The following CCDC170 variants were observed in gnomAD, a reference collection of about 807,000 sequenced individuals.
The protein encoded by CCDC170 is coiled-coil domain-containing protein 170.
A neutral mutation model predicts 72.6 loss-of-function variants in CCDC170; 69 were observed. The ratio of observed to expected loss-of-function variants is 0.95; its 90% CI spans 0.78 to 1.16. The LOEUF (loss-of-function observed/expected upper bound fraction) is 1.16. Ranked by LOEUF, CCDC170 falls within the 50% of genes most tolerant of loss-of-function variation. The pLI, the probability that CCDC170 is intolerant of heterozygous loss-of-function variation, is 0.00. For synonymous variants in CCDC170, 300 were observed against 303.9 expected, an observed-to-expected ratio of 0.99 and a Z score of 0.13; for missense variants, 852 against 832.5, an observed-to-expected ratio of 1.02 and a Z score of -0.29.
chr6:151,513,284 A>G (rs1782173577), intron 1 of CCDC170, among the ~76,000 whole-genome samples: 1 of 152,230 alleles, frequency 6.6e-6, no homozygotes. Flanking sequence ...TTTAAAAAGC[A>G]CATGATATAT....
chr6:151,592,405 A>G (rs948613072), intron 7 of CCDC170, among the ~76,000 whole-genome samples: 8 of 152,090 alleles, frequency 5.3e-5, no homozygotes, highest in African/African-American at 1.4e-4. Flanking sequence ...GACATACCTG[A>G]GGCTGGGTAA....
chr6:151,578,587 C>T (rs1414925390), intron 6 of CCDC170, among the ~76,000 whole-genome samples: 5 of 152,144 alleles, frequency 3.3e-5, no homozygotes, highest in African/African-American at 9.7e-5. Flanking sequence ...CAAAGAAAGG[C>T]ACATTCTGAG....
chr6:151,494,504 TCA>T (rs1158537866), intron 1 of CCDC170, among the ~76,000 whole-genome samples: 2 of 152,192 alleles, frequency 1.3e-5, no homozygotes, highest in South Asian at 4.1e-4. Context: ...AAGAATTCCT[TCA>T]TTTAACTTTC....
chr6:151,537,326 T>C (rs959755625), intron 2 of CCDC170, among the ~76,000 whole-genome samples: 1 of 152,202 alleles, frequency 6.6e-6, no homozygotes, highest in African/African-American at 2.4e-5. Flanking sequence ...CATAGAACGA[T>C]GAGTTGATAA....
intron 5 of CCDC170, among the ~76,000 whole-genome samples, chr6:151,558,559 A>G (rs1197989255): frequency 6.6e-6 from 1 of 152,074 alleles, no homozygotes; most frequent in East Asian, 1.9e-4. Flanking sequence ...TCTTGAATTG[A>G]TTTTTGTGTA....
At chr6:151,611,784 C>T (rs2115141571) in intron 9 of CCDC170, among the ~76,000 whole-genome samples, 1 of 152,274 alleles carries the variant, frequency 6.6e-6, no homozygotes, top group Non-Finnish European at 1.5e-5. Context: ...GGTCTCTGCT[C>T]ACTGCAACTT....
rs549048978 is a variant in CCDC170, at chr6:151,509,002, C to G, written c.57+14817C>G. On this transcript the variant is annotated intron_variant, in intron 1 of 10. Transcript: ENST00000239374. ...TGCACTCCAGCCTGGGCAACAAGAG[C>G]GAAACTCCTTCTCAAAAAAAAAAAA... Among the ~76,000 whole-genome samples the G allele has an allele frequency of 1.8e-4, 22 of 125,698 alleles. No homozygotes were observed. In the East Asian group the frequency reaches 4.7e-3, roughly 27 times the overall value. The allele number at this position is 125,698 out of a possible 152,430, so 82.5% of individuals were successfully genotyped here.
rs948689460 is a variant in CCDC170, at chr6:151,620,014, G to T, written c.*1867G>T. 5.9e-5 allele frequency: 9 copies of T among 151,990 alleles called. No homozygotes were observed. The highest frequency in any genetic ancestry group is 5.2e-4 in the Admixed American group (8 of 15,258). 9.4% of individuals were successfully genotyped at this position (151,990 alleles called of 1,614,324 possible). A position where few individuals can be genotyped will look rare whatever the true frequency, so the allele number is the denominator to read the frequency against. ...AAATTTGAATGTGGACTAAGTCCTAGATTATATTAAAATATTTTTAATTTT... is the reference window on the plus strand; with the variant it reads ...AAATTTGAATGTGGACTAAGTCCTATATTATATTAAAATATTTTTAATTTT... On this transcript the variant is annotated 3_prime_UTR_variant, in exon 11 of 11. Transcript: ENST00000239374.
Position 151,586,100 on chromosome 6 carries a change from G to C in CCDC170, c.1293+11G>C, listed in dbSNP as rs752131778. On this transcript the variant is annotated intron_variant, in intron 7 of 10. Coordinates refer to ENST00000239374, the MANE Select transcript of CCDC170 (RefSeq NM_025059.4). ...TTTGAGAAACAAAAAGTAATGACCC[G>C]AGGGCATGTCCATGAGTGGAAGCAT... The C allele has an allele frequency of 1.9e-6, 3 of 1,613,062 alleles. No homozygotes were observed. The highest frequency in any genetic ancestry group is 2.5e-6 in the Non-Finnish European group (3 of 1,179,324).
At chr6:151,569,082 T>C (rs1053454480) in intron 5 of CCDC170, among the ~76,000 whole-genome samples, 3 of 151,860 alleles carry the variant, frequency 2.0e-5, no homozygotes, top group Admixed American at 2.0e-4. Context: ...ATTTCTGAGT[T>C]TTTTTGTTAA....
intron 1 of CCDC170, among the ~76,000 whole-genome samples, chr6:151,503,132 A>T (rs1044459116): frequency 5.3e-5 from 8 of 152,152 alleles, no homozygotes; most frequent in Non-Finnish European, 1.0e-4. Flanking sequence ...AGCCGAGATC[A>T]CGCCGCTGCC....
At chr6:151,590,474 C>A (rs1231944217) in intron 7 of CCDC170, among the ~76,000 whole-genome samples, 1 of 152,152 alleles carries the variant, frequency 6.6e-6, no homozygotes, top group African/African-American at 2.4e-5. Flanking sequence ...AATTTTCCGT[C>A]GCTAACTGCA....
chr6:151,619,635 C>T lies in CCDC170; in HGVS notation c.*1488C>T, dbSNP rs1027817702. ...AAAAAGTCAAAGTCAGCCTGGCCAA[C>T]ATGGCAAAACTCCGTCTCTGCAAAA... On this transcript the variant is annotated 3_prime_UTR_variant, in exon 11 of 11. Transcript: ENST00000239374. 7.2e-5 allele frequency: 11 copies of T among 152,136 alleles called. No homozygotes were observed. The allele number at this position is 152,136 out of a possible 1,614,324, so 9.4% of individuals were successfully genotyped here. A position where few individuals can be genotyped will look rare whatever the true frequency, so the allele number is the denominator to read the frequency against.
At chr6:151,590,782 T>C (rs1003147864) in intron 7 of CCDC170, among the ~76,000 whole-genome samples, 2 of 152,226 alleles carry the variant, frequency 1.3e-5, no homozygotes, top group African/African-American at 4.8e-5. Context: ...TTGCCTGTTG[T>C]AGTCCTGGCC....
At chr6:151,501,021 G>C (rs4869733) in intron 1 of CCDC170, among the ~76,000 whole-genome samples, 20,543 of 152,002 alleles carry the variant, frequency 0.14, 1,793 homozygotes, top group East Asian at 0.37. Flanking sequence ...TTACCCAAGG[G>C]AATAAATGCC....
In CCDC170 at chr6:151,494,163, G is replaced by C. The variant is rs776857622; in HGVS notation, c.35G>C (p.Gly12Ala). 2.0e-6 allele frequency: 3 copies of C among 1,523,696 alleles called. No individual in the cohort carries two copies. Among genetic ancestry groups the C allele is most frequent in the South Asian group, 2.5e-5 (2 of 81,592 alleles). The allele number at this position is 1,523,696 out of a possible 1,614,324, so 94.4% of individuals were successfully genotyped here. ...GACTGCACCAGCCATATCGCGCTGG[G>C]TGCCGCTTCGCCAGCGCCCGAGGTA... ...SLDCTSHIAL[G>A]AASPAPEETY... Residue 12 changes from glycine to alanine, a missense_variant, in exon 1 of 11, where the codon GGT (glycine) becomes GCT (alanine). Physicochemically the swap from Gly to Ala is moderately conservative, Grantham distance 60. Transcript: ENST00000239374.
chr6:151,518,900 G>C (rs187643324), intron 1 of CCDC170, among the ~76,000 whole-genome samples: 1 of 152,202 alleles, frequency 6.6e-6, no homozygotes, highest in African/African-American at 2.4e-5. Context: ...GGGCAAAAAG[G>C]AGAATGAAGA....
chr6:151,532,254 A>G (rs751536989), intron 1 of CCDC170, among the ~76,000 whole-genome samples: 1 of 152,240 alleles, frequency 6.6e-6, no homozygotes. Flanking sequence ...AATATGACAA[A>G]AAGATAATAT....
chr6:151,509,369 G>A (rs1018164877), intron 1 of CCDC170, among the ~76,000 whole-genome samples: 1 of 151,930 alleles, frequency 6.6e-6, no homozygotes, highest in Non-Finnish European at 1.5e-5. Flanking sequence ...TCCCAAATTT[G>A]CATTCATTAT....
Sources: gnomAD v4.1 joint callset for allele counts (sites outside exome capture counted in the v4.1 genomes callset) on GRCh38, gnomAD v4.1.1 for gene constraint, MANE v1.5 for transcripts, NCBI Gene and HGNC (gene_info 2026-07-23, HGNC 2026-07-21) for gene names.